The following TARS2 variants were observed in gnomAD, a reference collection of about 807,000 sequenced individuals.
TARS2 encodes threonine--tRNA ligase, mitochondrial.
A neutral mutation model predicts 94.4 loss-of-function variants in TARS2; 61 were observed. The ratio of observed to expected loss-of-function variants is 0.65; its 90% confidence interval spans 0.53 to 0.80. The LOEUF (loss-of-function observed/expected upper bound fraction) is 0.80. Among genes scored for constraint, TARS2 ranks in the 30% least tolerant of loss-of-function variants. The pLI is 0.00. For synonymous variants in TARS2, 359 were observed against 353.4 expected, an observed-to-expected ratio of 1.02 and a Z score of -0.18; for missense variants, 704 against 902.5, an observed-to-expected ratio of 0.78 and a Z score of 2.82.
chr1:150,502,878 C>T (rs1669987756), intron 13 of TARS2, among the ~76,000 whole-genome samples: 1 of 152,066 alleles, frequency 6.6e-6, no homozygotes. Flanking sequence ...TGATTTATTT[C>T]AGCAATAACA....
chr1:150,495,194 A>C (rs922937018), intron 7 of TARS2, among the ~76,000 whole-genome samples: 6 of 149,200 alleles, frequency 4.0e-5, no homozygotes, highest in Admixed American at 1.3e-4. Flanking sequence ...AGAAAAAAAA[A>C]ATTAGTCGAG....
In TARS2 at chr1:150,496,897, G is replaced by A. The variant is rs746952024; in HGVS notation, c.1009G>A (p.Ala337Thr). ...RGTRVYNALV[A>T]FIRAEYAHRG... is the part of the protein sequence containing the mutation. Reference sequence around the variant, plus strand: ...GACAAGGGTGTATAATGCACTAGTGGCGTTTATCAGGGTAAGGGGACCCAG... The same window carrying A: ...GACAAGGGTGTATAATGCACTAGTGACGTTTATCAGGGTAAGGGGACCCAG... Residue 337 changes from alanine (A) to threonine (T), a missense_variant, in exon 9 of 18, where the codon GCG becomes ACG. Ala to Thr is a moderately conservative substitution (Grantham distance 58). Around this residue, in one of 3 missense-constraint regions of TARS2, gnomAD observed 466 missense variants for 609.5 expected, o/e 0.76. Transcript: ENST00000369064. 1.2e-6 allele frequency: 2 copies of A among 1,613,940 alleles called. No homozygotes were observed. Among genetic ancestry groups the A allele is most frequent in the East Asian group, 4.5e-5 (2 of 44,898 alleles).
At position 150,504,415 on chromosome 1, in the gene TARS2, A is replaced by G. The variant is rs1670100713; in HGVS notation, c.1698A>G (p.Arg566=). The change falls in exon 14 of 18, where the codon AGA becomes AGG. Residue 566 remains arginine, a synonymous_variant. Coordinates refer to ENST00000369064, the MANE Select transcript of TARS2 (RefSeq NM_025150.5). ...AGCTTGACTTCCAACTGCCCCTGAG[A>G]TTTGACCTCCAGTATAAGGGGTATA... The part of the protein sequence containing the change: ...TIQLDFQLPL[R]FDLQYKGQAG... 6.2e-7 allele frequency: 1 copy of G among 1,613,956 alleles called. No individual in the cohort carries two copies. The highest frequency in any genetic ancestry group is 8.5e-7 in the Non-Finnish European group (1 of 1,179,980).
intron 3 of TARS2, among the ~76,000 whole-genome samples, chr1:150,489,872 G>A (rs1560243878): frequency 6.6e-6 from 1 of 152,086 alleles, no homozygotes; most frequent in African/African-American, 2.4e-5. Flanking sequence ...AACCCTGGAG[G>A]CGGAGGTTGC....
At chr1:150,492,239 T>G (rs981292826) in intron 6 of TARS2, 172 bp from the exon 7 acceptor site, 2 of 623,786 alleles carry the variant, frequency 3.2e-6, no homozygotes, top group Non-Finnish European at 5.6e-6. Flanking sequence ...TCTGGGATTA[T>G]AGACATGAGC....
chr1:150,500,663 G>A (rs1570859841), intron 13 of TARS2, among the ~76,000 whole-genome samples: 1 of 152,122 alleles, frequency 6.6e-6, no homozygotes, highest in East Asian at 1.9e-4. Context: ...GAGGCAGGTG[G>A]ATCACCTGAG....
At position 150,492,235 on chromosome 1, in the gene TARS2, A is replaced by T. The variant is rs1669428754; in HGVS notation, c.696-176A>T. On this transcript the variant is annotated intron_variant, in intron 6 of 17. Coordinates refer to ENST00000369064, the MANE Select transcript of TARS2 (RefSeq NM_025150.5). ...CACCTTGGCCTCCCAAAGTTCTGGGATTATAGACATGAGCCACCGCGCCCT... is the reference window on the plus strand; with the variant it reads ...CACCTTGGCCTCCCAAAGTTCTGGGTTTATAGACATGAGCCACCGCGCCCT... The T allele has an allele frequency of 5.1e-6, 3 of 589,060 alleles. No homozygotes were observed. In the Admixed American group the frequency reaches 8.9e-5, roughly 18 times the overall value. The allele number at this position is 589,060 out of a possible 1,614,324, so 36.5% of individuals were successfully genotyped here.
At chr1:150,492,889 C>T (rs1473023240) in intron 7 of TARS2, among the ~76,000 whole-genome samples, 1 of 151,194 alleles carries the variant, frequency 6.6e-6, no homozygotes, top group Non-Finnish European at 1.5e-5. Flanking sequence ...TCGGCACCCC[C>T]CTTTTTTTTT....
intron 16 of TARS2, 58 bp from the exon 17 acceptor site, chr1:150,505,533 G>A (rs1560259868): frequency 2.7e-6 from 4 of 1,461,022 alleles, no homozygotes; most frequent in Non-Finnish European, 3.8e-6. Flanking sequence ...GCATCAGACT[G>A]TTCTAGCTCC....
At position 150,498,890 on chromosome 1, in the gene TARS2, C is replaced by T. The variant is rs1560253298; in HGVS notation, c.1402-7C>T. 6.2e-7 allele frequency: 1 copy of T among 1,614,202 alleles called. No individual in the cohort carries two copies. The highest frequency in any genetic ancestry group is 8.5e-7 in the Non-Finnish European group (1 of 1,180,042). On this transcript the variant is annotated splice_polypyrimidine_tract_variant and splice_region_variant and intron_variant, in intron 11 of 17. Transcript: ENST00000369064. ...ACAGCTCACTGACCCTTATTTCCTG[C>T]CCCTAGCTGGAAGCAGAGATCCAAA...
At position 150,492,426 on chromosome 1, in the gene TARS2, T is replaced by A; in HGVS notation, c.711T>A (p.Val237=). ...TTTCTCCTAGGTGTGGCACATTGGT[T>A]GACCTTTGCCAGGGCCCCCACCTTC... ...TATVYGCGTL[V]DLCQGPHLRH... Residue 237 remains valine (V), a synonymous_variant, in exon 7 of 18, where the codon GTT becomes GTA. Transcript: ENST00000369064. 1 of 1,614,044 alleles carries A rather than the reference T, an allele frequency of 6.2e-7. No homozygotes were observed. The highest frequency in any genetic ancestry group is 8.5e-7 in the Non-Finnish European group (1 of 1,179,946).
chr1:150,496,990 A>G (rs1669693454), intron 9 of TARS2, 82 bp downstream of exon 9: 1 of 1,409,176 alleles, frequency 7.1e-7, no homozygotes, highest in African/African-American at 1.4e-5. Flanking sequence ...GTGTTAAAAG[A>G]TGGGGGTTGG....
rs587639190 is a variant in TARS2 at position 150,503,629 on chromosome 1, A to G, written c.1618-706A>G. On this transcript the variant is annotated intron_variant, in intron 13 of 17. Coordinates refer to ENST00000369064, the MANE Select transcript of TARS2 (RefSeq NM_025150.5). ...TGTGTGTATATATATGTGTGTGTAT[A>G]TATGTGTGTGTATATATGTGTGTAT... Among the ~76,000 whole-genome samples, 43 of 122,010 alleles carry G rather than the reference A, an allele frequency of 3.5e-4. No individual in the cohort carries two copies. The South Asian group carries it at 3.8e-3, about 11-fold the overall frequency. 80.0% of individuals were successfully genotyped at this position (122,010 alleles called of 152,430 possible).
chr1:150,491,691 G>A, intron 6 of TARS2, 29 bp downstream of exon 6: 12 of 1,611,112 alleles, frequency 7.4e-6, no homozygotes, highest in Non-Finnish European at 1.0e-5. Flanking sequence ...AAGGCAAACA[G>A]AGAGGTGGGG....
intron 13 of TARS2, among the ~76,000 whole-genome samples, chr1:150,499,873 C>T (rs1403862176): frequency 6.6e-6 from 1 of 151,982 alleles, no homozygotes; most frequent in Non-Finnish European, 1.5e-5. Context: ...GCAGGAATCA[C>T]TTTCCAATCT....
intron 13 of TARS2, among the ~76,000 whole-genome samples, chr1:150,504,066 G>C (rs1309747947): frequency 6.6e-6 from 1 of 151,838 alleles, no homozygotes; most frequent in Non-Finnish European, 1.5e-5. Flanking sequence ...TCTGAGATGA[G>C]GAGCTCAAGG....
intron 13 of TARS2, among the ~76,000 whole-genome samples, chr1:150,502,207 T>G (rs1335910765): frequency 6.8e-6 from 1 of 146,730 alleles, no homozygotes; most frequent in Non-Finnish European, 1.5e-5. Context: ...TGAGCCATCT[T>G]GCCCAGCGTT....
At chr1:150,501,249 T>C (rs1669896197) in intron 13 of TARS2, among the ~76,000 whole-genome samples, 1 of 147,524 alleles carries the variant, frequency 6.8e-6, no homozygotes, top group Non-Finnish European at 1.5e-5. Flanking sequence ...GATACCAGCC[T>C]GGGCAACATA....
In TARS2 at chr1:150,507,156, A is replaced by C. The variant is rs1421534383; in HGVS notation, c.*92A>C. 1.9e-5 allele frequency: 29 copies of C among 1,524,106 alleles called. No individual in the cohort carries two copies. The Admixed American group carries it at 5.5e-4, about 29-fold the overall frequency. 94.4% of individuals were successfully genotyped at this position (1,524,106 alleles called of 1,614,324 possible). A position where few individuals can be genotyped will look rare whatever the true frequency, so the allele number is the denominator to read the frequency against. On this transcript the variant is annotated 3_prime_UTR_variant, in exon 18 of 18. Coordinates refer to ENST00000369064, the MANE Select transcript of TARS2 (RefSeq NM_025150.5). ...ACCCAGCTGACAATGTGGAGCCCCC[A>C]GAACTTCAGAACTGTGTGGAGGCAC... is the stretch of plus-strand genomic sequence containing the variant.
Sources: allele counts gnomAD v4.1 joint callset (sites outside exome capture counted in the v4.1 genomes callset), GRCh38; gene constraint gnomAD v4.1.1; regional missense constraint gnomAD v4.1.1; transcripts MANE v1.5; gene names NCBI Gene and HGNC (gene_info 2026-07-23, HGNC 2026-07-21).